LY96: variants seen among roughly 807,000 people sequenced by gnomAD.
LY96 encodes myeloid differentiation protein-2.
Under a neutral mutation model 18.9 loss-of-function variants are expected in LY96, and 18 were observed. That is an observed-to-expected ratio of 0.95 (90% CI 0.66 to 1.41). The LOEUF (loss-of-function observed/expected upper bound fraction) is 1.41, where lower values mean the gene tolerates loss of function less well. Ranked by LOEUF, LY96 falls within the 40% of genes most tolerant of loss-of-function variation. The probability of loss-of-function intolerance (pLI) is 0.00; values close to 1 mark genes in which losing one functional copy is unlikely to be tolerated. For synonymous variants in LY96, 66 were observed against 62.6 expected (o/e 1.06, Z -0.26); for missense variants, 175 against 182.4 (o/e 0.96, Z 0.23).
At chr8:74,058,860 C>T in the LY96 span, among the ~76,000 whole-genome samples, 6 of 152,200 alleles carry the variant, frequency 3.9e-5, no homozygotes, top group South Asian at 2.1e-4. Context: ...TGCAATTATA[C>T]GGAATGAGAA....
rs184995427 is a variant in LY96 at position 74,028,883 on chromosome 8, A to G, written c.385-73A>G. 689 of 878,640 alleles carry G rather than the reference A, an allele frequency of 7.8e-4. 9 individuals are homozygous for G. In the South Asian group the frequency reaches 9.2e-3, roughly 12 times the overall value. 54.4% of individuals were successfully genotyped at this position (878,640 alleles called of 1,614,324 possible). A position where few individuals can be genotyped will look rare whatever the true frequency, so the allele number is the denominator to read the frequency against. ...AAATGGCTTTCTGCTAGTAAGAGAA[A>G]GTTCTTACAAAGCCTCTGAAATAGT... On this transcript the variant is annotated intron_variant, in intron 4 of 4. Coordinates refer to ENST00000284818, the MANE Select transcript of LY96 (RefSeq NM_015364.5).
rs1816376570 is a variant in LY96 at position 74,004,810 on chromosome 8, C to A, written c.127C>A (p.Pro43Thr). The A allele has an allele frequency of 1.3e-6, 2 of 1,573,576 alleles. No homozygotes were observed. The highest frequency in any genetic ancestry group is 1.7e-6 in the Non-Finnish European group (2 of 1,146,324). ...ATTGCTTTTAGATAAAATGCAATAC[C>A]CAATTTCAATTAATGTTAACCCCTG... Reference protein sequence around the residue: ...SYTYCDKMQYPISINVNPCIE... With the variant: ...SYTYCDKMQYTISINVNPCIE... Residue 43 changes from proline to threonine, a missense_variant, in exon 2 of 5, where the codon CCA becomes ACA. Physicochemically the swap from Pro to Thr is conservative, Grantham distance 38. Coordinates refer to ENST00000284818, the MANE Select transcript of LY96 (RefSeq NM_015364.5).
chr8:73,991,559 G>A lies in LY96; in HGVS notation c.112+5G>A. ...GTATTTCATACACCTACTGTGGTAA[G>A]TAAAACCGCAAAACAAATAATTGTA... On this transcript the variant is annotated splice_donor_5th_base_variant and intron_variant, in intron 1 of 4. Transcript: ENST00000284818. The A allele has an allele frequency of 1.3e-6, 2 of 1,516,056 alleles. No homozygotes were observed. Among genetic ancestry groups the A allele is most frequent in the Middle Eastern group, 1.7e-4 (1 of 5,890 alleles). 93.9% of individuals were successfully genotyped at this position (1,516,056 alleles called of 1,614,324 possible). A position where few individuals can be genotyped will look rare whatever the true frequency, so the allele number is the denominator to read the frequency against.
At chr8:74,083,007 T>A in the LY96 span, among the ~76,000 whole-genome samples, 1 of 152,168 alleles carries the variant, frequency 6.6e-6, no homozygotes, top group Non-Finnish European at 1.5e-5. Flanking sequence ...TTTTCTCAAA[T>A]GCCAAGGTGT....
the LY96 span, among the ~76,000 whole-genome samples, chr8:74,057,758 G>A: frequency 2.0e-5 from 3 of 152,190 alleles, no homozygotes; most frequent in East Asian, 1.9e-4. Flanking sequence ...CTAAAATGGC[G>A]ACTTGGTAGC....
chr8:74,040,842 A>G, the LY96 span, among the ~76,000 whole-genome samples: 1 of 151,862 alleles, frequency 6.6e-6, no homozygotes, highest in African/African-American at 2.4e-5. Flanking sequence ...AGCTAGGACT[A>G]CAGGCACGTG....
Position 73,996,317 on chromosome 8 carries a change from TTTCCTTCCTTCC to T in LY96, c.112+4803_112+4814del, listed in dbSNP as rs58734426. Among the ~76,000 whole-genome samples, 976 of 116,372 alleles carry T rather than the reference TTTCCTTCCTTCC, an allele frequency of 8.4e-3. 13 individuals are homozygous for T. Among genetic ancestry groups the T allele is most frequent in the African/African-American group, 0.022 (673 of 30,848 alleles). 76.3% of individuals were successfully genotyped at this position (116,372 alleles called of 152,430 possible). A position where few individuals can be genotyped will look rare whatever the true frequency, so the allele number is the denominator to read the frequency against. On this transcript the variant is annotated intron_variant, in intron 1 of 4. Coordinates refer to ENST00000284818, the MANE Select transcript of LY96 (RefSeq NM_015364.5). Reference sequence around the variant, plus strand: ...CACGCTAGGCCTAAAACCTGTTTCTTTTCCTTCCTTCCTTCCTTCCTTCCTTCCTTCCTTCCT... The same window carrying T: ...CACGCTAGGCCTAAAACCTGTTTCTTTTCCTTCCTTCCTTCCTTCCTTCCT...
chr8:74,054,721 T>C, the LY96 span, among the ~76,000 whole-genome samples: 1 of 148,430 alleles, frequency 6.7e-6, no homozygotes, highest in Non-Finnish European at 1.5e-5. Context: ...TGGAGTGCAA[T>C]GACGTGATCA....
chr8:74,024,263 A>G (rs1400824273), intron 3 of LY96, among the ~76,000 whole-genome samples: 1 of 151,918 alleles, frequency 6.6e-6, no homozygotes, highest in African/African-American at 2.4e-5. Flanking sequence ...AAAAGCAGAA[A>G]AATGAAATAT....
the LY96 span, among the ~76,000 whole-genome samples, chr8:74,034,438 A>G: frequency 2.0e-5 from 3 of 152,206 alleles, no homozygotes; most frequent in Non-Finnish European, 4.4e-5. Flanking sequence ...AAAGAAGTGT[A>G]ACACTTTTTA....
chr8:74,018,893 G>A (rs999897181), intron 3 of LY96, among the ~76,000 whole-genome samples: 3 of 152,046 alleles, frequency 2.0e-5, no homozygotes, highest in Non-Finnish European at 2.9e-5. Context: ...AAGACATAAC[G>A]TACCAGAATC....
chr8:74,039,869 C>G, the LY96 span, among the ~76,000 whole-genome samples: 3 of 152,142 alleles, frequency 2.0e-5, no homozygotes, highest in Non-Finnish European at 4.4e-5. Context: ...GGGGTTTAGG[C>G]CTCTGGATGA....
At chr8:74,040,698 GTTTTT>G in the LY96 span, among the ~76,000 whole-genome samples, 15 of 109,226 alleles carry the variant, frequency 1.4e-4, no homozygotes, top group African/African-American at 2.9e-4. Context: ...CTATGTGTCT[GTTTTT>G]TTTTTTTTTT....
chr8:74,081,065 TTACTTTCTTTC>T, the LY96 span, among the ~76,000 whole-genome samples: 1 of 129,334 alleles, frequency 7.7e-6, no homozygotes, highest in African/African-American at 3.8e-5. Context: ...TCTTTCTTTC[TTACTTTCTTTC>T]TTCTCTTTCT....
At chr8:74,050,157 A>T in the LY96 span, among the ~76,000 whole-genome samples, 1 of 152,314 alleles carries the variant, frequency 6.6e-6, no homozygotes, top group South Asian at 2.1e-4. Flanking sequence ...AGCCTGGCCA[A>T]CATGGTGAAA....
intron 4 of LY96, among the ~76,000 whole-genome samples, chr8:74,027,429 C>G (rs1010766413): frequency 2.6e-5 from 4 of 151,546 alleles, no homozygotes; most frequent in African/African-American, 7.3e-5. Context: ...CTCAACCACC[C>G]GAGTAGCTGG....
the LY96 span, among the ~76,000 whole-genome samples, chr8:74,042,304 T>TGAGGTCA: frequency 6.6e-6 from 1 of 152,162 alleles, no homozygotes; most frequent in East Asian, 1.9e-4. Flanking sequence ...GTGGATCTCC[T>TGAGGTCA]GAGGTCAGGA....
the LY96 span, chr8:74,048,544 C>T: frequency 6.6e-6 from 1 of 152,380 alleles, no homozygotes; most frequent in Non-Finnish European, 1.5e-5. Context: ...GGAGAATGCT[C>T]TGCCACATCC....
At chr8:74,039,175 T>C in the LY96 span, among the ~76,000 whole-genome samples, 2 of 152,260 alleles carry the variant, frequency 1.3e-5, no homozygotes, top group African/African-American at 4.8e-5. Flanking sequence ...GTATGTCTTC[T>C]TTTGAGAAAT....
Sources: allele counts gnomAD v4.1 joint callset (sites outside exome capture counted in the v4.1 genomes callset), GRCh38; gene constraint gnomAD v4.1.1; transcripts MANE v1.5; gene names NCBI Gene and HGNC (gene_info 2026-07-23, HGNC 2026-07-21).